NEDD4L: variants seen among roughly 807,000 people sequenced by gnomAD.
The protein encoded by NEDD4L is NEDD4 like E3 ubiquitin protein ligase.
A neutral mutation model predicts 148.9 loss-of-function variants in NEDD4L; 54 were observed. That is an observed-to-expected ratio of 0.36 (90% CI 0.29 to 0.45). NEDD4L has a LOEUF of 0.45. NEDD4L is among the 20% of genes least tolerant of loss of function. NEDD4L has a pLI of 1.00. For synonymous variants in NEDD4L, 433 were observed against 440.7 expected, an observed-to-expected ratio of 0.98 and a Z score of 0.22; for missense variants, 856 against 1,233.8, an observed-to-expected ratio of 0.69 and a Z score of 4.59.
At chr18:58,251,395 T>C (rs2047920645) in intron 4 of NEDD4L, among the ~76,000 whole-genome samples, 1 of 152,062 alleles carries the variant, frequency 6.6e-6, no homozygotes. Flanking sequence ...GGCATGGTAG[T>C]CCAAGCTACT....
chr18:58,238,494 TCATA>T (rs1226829794), intron 2 of NEDD4L, among the ~76,000 whole-genome samples: 4 of 152,206 alleles, frequency 2.6e-5, no homozygotes, highest in Non-Finnish European at 4.4e-5. Flanking sequence ...TTCGTAAACA[TCATA>T]TAGAGAGAAT....
intron 1 of NEDD4L, among the ~76,000 whole-genome samples, chr18:58,076,712 C>T (rs907882488): frequency 6.6e-6 from 1 of 152,050 alleles, no homozygotes; most frequent in African/African-American, 2.4e-5. Context: ...TCCTGCTGAT[C>T]TCCAGAATGG....
At chr18:58,312,653 C>T (rs778324770) in intron 5 of NEDD4L, among the ~76,000 whole-genome samples, 29 of 151,800 alleles carry the variant, frequency 1.9e-4, no homozygotes, top group Non-Finnish European at 3.7e-4. Flanking sequence ...TAGATCTCCT[C>T]TGCAGGGTTG....
intron 13 of NEDD4L, chr18:58,335,918 C>CTG (rs747346395): frequency 3.3e-5 from 7 of 213,646 alleles, no homozygotes; most frequent in South Asian, 7.3e-5. Context: ...TTGCATGAGA[C>CTG]TGTGTGTGTG....
Position 58,245,674 on chromosome 18 carries a change from CTTTTTTTTT to C in NEDD4L, c.204+182_204+190del, listed in dbSNP as rs57282316. Among the ~76,000 whole-genome samples, 6 of 89,260 alleles carry C rather than the reference CTTTTTTTTT, an allele frequency of 6.7e-5. No homozygotes were observed. In the South Asian group the frequency reaches 2.0e-3, roughly 30 times the overall value. The allele number at this position is 89,260 out of a possible 152,430, so 58.6% of individuals were successfully genotyped here. A position where few individuals can be genotyped will look rare whatever the true frequency, so the allele number is the denominator to read the frequency against. On this transcript the variant is annotated intron_variant, in intron 3 of 30. Coordinates refer to ENST00000400345, the MANE Select transcript of NEDD4L (RefSeq NM_001144967.3). ...CATATACAAGTGCATCACTTTTTCT[CTTTTTTTTT>C]TTTTTTTTTTTTTTTGAGATGGAGT...
chr18:58,117,857 A>G (rs954215710), intron 1 of NEDD4L, among the ~76,000 whole-genome samples: 1 of 152,146 alleles, frequency 6.6e-6, no homozygotes, highest in African/African-American at 2.4e-5. Flanking sequence ...AGTGTATAGA[A>G]TGTTTCCCGT....
At chr18:58,268,763 C>T (rs191220522) in intron 5 of NEDD4L, among the ~76,000 whole-genome samples, 5 of 152,176 alleles carry the variant, frequency 3.3e-5, no homozygotes, top group African/African-American at 1.2e-4. Flanking sequence ...CTTTGGTCAT[C>T]GTAAGTGGTC....
intron 1 of NEDD4L, among the ~76,000 whole-genome samples, chr18:58,063,987 C>T (rs1354423647): frequency 3.9e-5 from 4 of 102,218 alleles, no homozygotes; most frequent in South Asian, 2.7e-4. Context: ...TTTTTTGAGA[C>T]GGAGTCTTGT....
chr18:58,266,679 A>T (rs1472407219), intron 5 of NEDD4L, among the ~76,000 whole-genome samples: 1 of 152,170 alleles, frequency 6.6e-6, no homozygotes, highest in Non-Finnish European at 1.5e-5. Context: ...AATAGAAAAT[A>T]CAATATATCA....
chr18:58,110,653 C>T (rs1008131531), intron 1 of NEDD4L, among the ~76,000 whole-genome samples: 1 of 152,180 alleles, frequency 6.6e-6, no homozygotes, highest in Non-Finnish European at 1.5e-5. Context: ...AGAGAGAAGC[C>T]TTTGTTTTAG....
intron 2 of NEDD4L, among the ~76,000 whole-genome samples, chr18:58,180,513 C>A (rs2146961939): frequency 6.6e-6 from 1 of 152,288 alleles, no homozygotes; most frequent in African/African-American, 2.4e-5. Flanking sequence ...CTGTGCTTGG[C>A]CGACTCCAGC....
At position 58,051,760 on chromosome 18, in the gene NEDD4L, C is replaced by T. The variant is rs571429224; in HGVS notation, c.48+7052C>T. On this transcript the variant is annotated intron_variant, in intron 1 of 30. Coordinates refer to ENST00000400345, the MANE Select transcript of NEDD4L (RefSeq NM_001144967.3). ...TCTTACTGAAATATTTGTTAATTAG[C>T]GATAAAGCAAACTATATGTTGATCT... 5.3e-5 allele frequency among the ~76,000 whole-genome samples: 8 copies of T among 152,000 alleles called. No homozygotes were observed. The South Asian group carries it at 6.2e-4, about 12-fold the overall frequency.
intron 5 of NEDD4L, among the ~76,000 whole-genome samples, chr18:58,254,038 G>A (rs1228694241): frequency 1.3e-5 from 2 of 150,832 alleles, no homozygotes; most frequent in Admixed American, 6.6e-5. Flanking sequence ...GAGACAATAT[G>A]TGGCTATGGT....
intron 16 of NEDD4L, among the ~76,000 whole-genome samples, chr18:58,343,694 C>A (rs2145273706): frequency 6.6e-6 from 1 of 152,314 alleles, no homozygotes; most frequent in African/African-American, 2.4e-5. Context: ...GCAACTCTTT[C>A]ATGTACTCCT....
rs140550335 is a variant in NEDD4L at position 58,330,861 on chromosome 18, A to C, written c.937A>C (p.Arg313=). 467 of 1,614,032 alleles carry C rather than the reference A, an allele frequency of 2.9e-4. 2 individuals are homozygous for C. In the East Asian group the frequency reaches 9.9e-3, roughly 34 times the overall value. ...TCAGGAGCTGTCAGAGGAACTAAGC[A>C]GAAGGCTTCAGATCACTCCAGACTC... ...SPQELSEELS[R]RLQITPDSNG... Residue 313 remains arginine (R), a synonymous_variant, in exon 11 of 31, where the codon AGA becomes CGA. Coordinates refer to ENST00000400345, the MANE Select transcript of NEDD4L (RefSeq NM_001144967.3).
At chr18:58,230,591 C>G (rs1327620903) in intron 2 of NEDD4L, among the ~76,000 whole-genome samples, 1 of 152,002 alleles carries the variant, frequency 6.6e-6, no homozygotes, top group Non-Finnish European at 1.5e-5. Flanking sequence ...TATTCATTAT[C>G]AGGTATGAGA....
chr18:58,365,826 G>A (rs190894857), intron 20 of NEDD4L, among the ~76,000 whole-genome samples, 173 bp from the exon 21 acceptor site: 12 of 152,286 alleles, frequency 7.9e-5, no homozygotes, highest in Admixed American at 5.9e-4. Context: ...ACACAGCAAG[G>A]CTTTCTGTCT....
intron 1 of NEDD4L, among the ~76,000 whole-genome samples, chr18:58,154,886 G>A (rs1481095954): frequency 1.3e-5 from 2 of 151,900 alleles, no homozygotes; most frequent in Non-Finnish European, 2.9e-5. Flanking sequence ...AGAGAAAAAT[G>A]TGTTTGTATA....
intron 5 of NEDD4L, among the ~76,000 whole-genome samples, chr18:58,285,574 C>T (rs913057956): frequency 6.6e-6 from 1 of 152,132 alleles, no homozygotes; most frequent in Non-Finnish European, 1.5e-5. Flanking sequence ...GGCTTATTAT[C>T]GTTTAAACTA....
Sources: gnomAD v4.1 joint callset for allele counts (sites outside exome capture counted in the v4.1 genomes callset) on GRCh38, gnomAD v4.1.1 for gene constraint, MANE v1.5 for transcripts, NCBI Gene and HGNC (gene_info 2026-07-23, HGNC 2026-07-21) for gene names.